L3MBTL2: variants seen among roughly 807,000 people sequenced by gnomAD.
The protein encoded by L3MBTL2 is L3MBTL histone methyl-lysine binding protein 2, also known as lethal(3)malignant brain tumor-like protein 2.
L3MBTL2 carries 49 observed loss-of-function variants against 86.4 expected under a neutral mutation model. That is an observed-to-expected ratio of 0.57 (90% confidence interval 0.45 to 0.72). L3MBTL2 has a LOEUF of 0.72. Among genes scored for constraint, L3MBTL2 ranks in the 30% least tolerant of loss-of-function variants. L3MBTL2 has a pLI of 0.00. For synonymous variants in L3MBTL2, 336 were observed against 350.6 expected, an observed-to-expected ratio of 0.96 and a Z score of 0.47; for missense variants, 755 against 923.7, an observed-to-expected ratio of 0.82 and a Z score of 2.37.
At position 41,224,651 on chromosome 22, in the gene L3MBTL2, A is replaced by T; in HGVS notation, c.1175-74A>T. ...CAGAGCAGCCCCACATTCCCAGGGG[A>T]GGCGTGTGGAGATGGCCCAGGAGCC... is the stretch of plus-strand genomic sequence containing the variant. On this transcript the variant is annotated intron_variant, in intron 9 of 16. Transcript: ENST00000216237. This position sits in a 1 kb window ranked among gnomAD's most constrained non-coding sequence, Gnocchi z 4.9. 9.5e-7 allele frequency: 1 copy of T among 1,052,304 alleles called. No homozygotes were observed. The highest frequency in any genetic ancestry group is 1.5e-6 in the Non-Finnish European group (1 of 672,472). 65.2% of individuals were successfully genotyped at this position (1,052,304 alleles called of 1,614,324 possible). A position where few individuals can be genotyped will look rare whatever the true frequency, so the allele number is the denominator to read the frequency against.
intron 15 of L3MBTL2, 109 bp from the exon 16 acceptor site, chr22:41,229,431 T>C: frequency 8.0e-7 from 1 of 1,246,116 alleles, no homozygotes; most frequent in South Asian, 1.5e-5. Flanking sequence ...GTCCCCAAAC[T>C]GGCACTTTTC....
intron 8 of L3MBTL2, among the ~76,000 whole-genome samples, chr22:41,221,680 C>A (rs2031831127): frequency 6.6e-6 from 1 of 152,108 alleles, no homozygotes; most frequent in Admixed American, 6.5e-5. Context: ...GATCTCGGCT[C>A]CCTGCAAGCT....
intron 5 of L3MBTL2, 86 bp downstream of exon 5, chr22:41,217,288 C>A: frequency 2.0e-6 from 2 of 1,017,528 alleles, no homozygotes; most frequent in Non-Finnish European, 3.1e-6. Context: ...CGGCTTCAGG[C>A]TGGACAGTGA....
Position 41,227,878 on chromosome 22 carries a change from T to C in L3MBTL2, c.1888+9T>C. 1 of 1,611,496 alleles carries C rather than the reference T, an allele frequency of 6.2e-7. No homozygotes were observed. Among genetic ancestry groups the C allele is most frequent in the Non-Finnish European group, 8.5e-7 (1 of 1,178,746 alleles). ...ACAGTTTGGGAAGAAAAGTAAGTGC[T>C]GCACCGGTGCAGCCAGGCTGGTGTG... On this transcript the variant is annotated intron_variant, in intron 15 of 16. Coordinates refer to ENST00000216237, the MANE Select transcript of L3MBTL2 (RefSeq NM_031488.5). The surrounding 1 kb of genome is among the most constrained non-coding windows in gnomAD (Gnocchi z 6.0).
intron 2 of L3MBTL2, among the ~76,000 whole-genome samples, chr22:41,212,016 G>A (rs935440774): frequency 5.4e-5 from 8 of 147,178 alleles, no homozygotes; most frequent in Non-Finnish European, 1.2e-4. Flanking sequence ...GGCGCCCTCC[G>A]CCATGCCCGG....
chr22:41,213,632 G>A, intron 2 of L3MBTL2: 1 of 316,620 alleles, frequency 3.2e-6, no homozygotes, highest in African/African-American at 2.1e-5. Context: ...ACACTCACCT[G>A]TTCCCCCAGT....
intron 1 of L3MBTL2, chr22:41,208,298 T>G (rs1005194299): frequency 2.2e-6 from 1 of 444,808 alleles, no homozygotes; most frequent in Non-Finnish European, 4.5e-6. Flanking sequence ...CCTGGCTAAT[T>G]TTTTTTTCTT....
intron 8 of L3MBTL2, 56 bp downstream of exon 8, chr22:41,221,343 T>C: frequency 7.1e-7 from 1 of 1,403,984 alleles, no homozygotes; most frequent in Non-Finnish European, 9.9e-7. Flanking sequence ...TTTTTCTGCA[T>C]CCTGCATGCC....
chr22:41,225,835 G>T lies in L3MBTL2; in HGVS notation c.1398G>T (p.Gly466=), dbSNP rs1175353122. ...DGYLMICVDG[G]PSTDGLDWFC... is the part of the protein sequence containing the mutation. ...ACCTGATGATCTGTGTGGACGGGGG[G>T]CCCTCCACAGATGGCTTGGACTGGT... Residue 466 remains glycine, a synonymous_variant, in exon 12 of 17, where the codon GGG becomes GGT. Transcript: ENST00000216237. This position sits in a 1 kb window ranked among gnomAD's most constrained non-coding sequence, Gnocchi z 4.1. The T allele has an allele frequency of 1.2e-6, 2 of 1,614,030 alleles. No homozygotes were observed. Among genetic ancestry groups the T allele is most frequent in the South Asian group, 1.1e-5 (1 of 91,078 alleles).
intron 5 of L3MBTL2, 99 bp from the exon 6 acceptor site, chr22:41,219,320 T>G: frequency 1.2e-6 from 1 of 825,602 alleles, no homozygotes; most frequent in Non-Finnish European, 2.1e-6. Context: ...TGTGAAAAGT[T>G]GAGGTGCAAA....
intron 16 of L3MBTL2, 92 bp from the exon 17 acceptor site, chr22:41,230,047 G>A (rs2032479535): frequency 1.1e-6 from 1 of 923,572 alleles, no homozygotes; most frequent in Non-Finnish European, 1.7e-6. Context: ...GCCCCCATCT[G>A]TAGGGAGCCA....
chr22:41,214,103 G>C, intron 3 of L3MBTL2, 77 bp downstream of exon 3: 1 of 1,530,178 alleles, frequency 6.5e-7, no homozygotes, highest in Non-Finnish European at 9.0e-7. Flanking sequence ...GAAGGCCAGG[G>C]CCAGGAAAGT....
intron 3 of L3MBTL2, 65 bp downstream of exon 3, chr22:41,214,091 C>T: frequency 1.3e-6 from 2 of 1,576,306 alleles, no homozygotes; most frequent in Non-Finnish European, 8.7e-7. Context: ...CACCAAGTGA[C>T]TGAAGGCCAG....
intron 8 of L3MBTL2, among the ~76,000 whole-genome samples, chr22:41,222,415 C>G (rs1449783209): frequency 6.6e-6 from 1 of 152,034 alleles, no homozygotes; most frequent in Non-Finnish European, 1.5e-5. Context: ...TGTAGGACTC[C>G]TGTGTGGCAC....
intron 15 of L3MBTL2, 137 bp from the exon 16 acceptor site, chr22:41,229,403 T>C: frequency 1.2e-6 from 1 of 863,818 alleles, no homozygotes; most frequent in Non-Finnish European, 1.7e-6. Flanking sequence ...GTTGTCAGAG[T>C]TGGAGTCCAG....
rs114730726 is a variant in L3MBTL2, at chr22:41,217,246, C to A, written c.600+44C>A. 7,920 of 1,477,432 alleles carry A rather than the reference C, an allele frequency of 5.4e-3. 356 individuals carry two copies. In the African/African-American group the frequency reaches 0.097, roughly 18 times the overall value. 91.5% of individuals were successfully genotyped at this position (1,477,432 alleles called of 1,614,324 possible). ...AGGGAGGGAGGCCGGGGAGCCGGGC[C>A]TGGAGCTGCTCCTCCACCTGCTTCA... On this transcript the variant is annotated intron_variant, in intron 5 of 16. Transcript: ENST00000216237.
At chr22:41,210,050 A>G (rs2030598372) in intron 2 of L3MBTL2, 117 bp downstream of exon 2, 4 of 1,345,352 alleles carry the variant, frequency 3.0e-6, no homozygotes, top group Non-Finnish European at 4.0e-6. Context: ...ATTAACTCTG[A>G]TTTCTAAGGG....
intron 1 of L3MBTL2, 53 bp from the exon 2 acceptor site, chr22:41,209,643 G>T (rs748529662): frequency 1.0e-4 from 156 of 1,520,952 alleles, no homozygotes; most frequent in Non-Finnish European, 1.3e-4. Flanking sequence ...CTCCCCCCGT[G>T]CACTAAAGCC....
In L3MBTL2 at chr22:41,224,185, A is replaced by T. The variant is rs778946775; in HGVS notation, c.1108A>T (p.Met370Leu). 2 of 1,614,090 alleles carry T rather than the reference A, an allele frequency of 1.2e-6. No individual in the cohort carries two copies. Among genetic ancestry groups the T allele is most frequent in the Non-Finnish European group, 1.7e-6 (2 of 1,180,020 alleles). The stretch of plus-strand genomic sequence containing the variant: ...CAGTGACGACGACTTCTGGTGCCAC[A>T]TGTGGAGCCCCCTGATCCACCCAGT... ...GDSDDDFWCH[M>L]WSPLIHPVGW... is the part of the protein sequence containing the mutation. Residue 370 changes from methionine to leucine, a missense_variant, in exon 9 of 17, where the codon ATG (methionine) becomes TTG (leucine). Transcript: ENST00000216237. This position sits in a 1 kb window ranked among gnomAD's most constrained non-coding sequence, Gnocchi z 4.9.
Sources: gnomAD v4.1 joint callset for allele counts (sites outside exome capture counted in the v4.1 genomes callset) on GRCh38, gnomAD v4.1.1 for gene constraint, Gnocchi (gnomAD v3.1) non-coding constraint, MANE v1.5 for transcripts, NCBI Gene and HGNC (gene_info 2026-07-23, HGNC 2026-07-21) for gene names.